The following SLC27A6 variants were observed in gnomAD, a reference collection of about 807,000 sequenced individuals.
SLC27A6 encodes the protein solute carrier family 27 member 6.
Under a neutral mutation model 63.9 loss-of-function variants are expected in SLC27A6, and 74 were observed. The observed-to-expected ratio is 1.16, with a 90% CI of 0.96 to 1.40. The LOEUF is 1.40. Among genes scored for constraint, SLC27A6 ranks in the 40% most tolerant of loss-of-function variants. SLC27A6 has a pLI of 0.00. For synonymous variants in SLC27A6, 287 were observed against 260.8 expected, an observed-to-expected ratio of 1.10 and a Z score of -0.97; for missense variants, 794 against 732.9, an observed-to-expected ratio of 1.08 and a Z score of -0.96.
intron 1 of SLC27A6, among the ~76,000 whole-genome samples, chr5:128,982,646 T>C (rs1750635197): frequency 6.6e-6 from 1 of 152,196 alleles, no homozygotes; most frequent in Admixed American, 6.5e-5. Flanking sequence ...TACAACAAAA[T>C]CTGGAACAAA....
At chr5:128,997,655 C>T (rs570479429) in intron 4 of SLC27A6, among the ~76,000 whole-genome samples, 2 of 152,306 alleles carry the variant, frequency 1.3e-5, no homozygotes, top group East Asian at 3.9e-4. Flanking sequence ...AAAATATACA[C>T]ATCTTTTTCT....
intron 4 of SLC27A6, among the ~76,000 whole-genome samples, chr5:129,014,775 G>A (rs1301607509): frequency 6.6e-6 from 1 of 152,102 alleles, no homozygotes; most frequent in Admixed American, 6.6e-5. Flanking sequence ...CATTCTTTTT[G>A]ATGCTTGCTT....
chr5:128,981,913 A>G (rs1298527221), intron 1 of SLC27A6, among the ~76,000 whole-genome samples: 3 of 151,194 alleles, frequency 2.0e-5, no homozygotes, highest in Non-Finnish European at 2.9e-5. Flanking sequence ...TCCCAGGCTC[A>G]AGCGATTCAC....
chr5:128,983,594 C>T (rs903209532), intron 1 of SLC27A6, among the ~76,000 whole-genome samples: 4 of 152,020 alleles, frequency 2.6e-5, no homozygotes, highest in Non-Finnish European at 4.4e-5. Flanking sequence ...CGGGCCTGGC[C>T]AATCTGTATC....
intron 5 of SLC27A6, 47 bp downstream of exon 5, chr5:129,016,126 C>T: frequency 7.3e-7 from 1 of 1,378,102 alleles, no homozygotes; most frequent in East Asian, 2.4e-5. Flanking sequence ...GGTGCGGTGG[C>T]TCATACCTGT....
At position 128,966,044 on chromosome 5, in the gene SLC27A6, T is replaced by G. The variant is rs1749873373; in HGVS notation, c.-94T>G. The G allele has an allele frequency of 2.1e-6, 3 of 1,437,282 alleles. No homozygotes were observed. Among genetic ancestry groups the G allele is most frequent in the Admixed American group, 2.4e-5 (1 of 41,180 alleles). 89.0% of individuals were successfully genotyped at this position (1,437,282 alleles called of 1,614,324 possible). On this transcript the variant is annotated 5_prime_UTR_variant, in exon 1 of 10. Coordinates refer to ENST00000262462, the MANE Select transcript of SLC27A6 (RefSeq NM_001017372.3). ...AACTTCAGGTGTAAGCCCTGAGTAG[T>G]GAGGATCTGCGGTCTCCGTGGAGAG...
intron 2 of SLC27A6, 104 bp from the exon 3 acceptor site, chr5:128,988,496 T>A (rs963151165): frequency 3.6e-6 from 3 of 844,096 alleles, no homozygotes; most frequent in Non-Finnish European, 5.5e-6. Context: ...GTTATCAGTA[T>A]CATCTTCTTT....
At chr5:128,974,368 A>G (rs1297360590) in intron 1 of SLC27A6, among the ~76,000 whole-genome samples, 6 of 152,228 alleles carry the variant, frequency 3.9e-5, no homozygotes, top group African/African-American at 9.6e-5. Flanking sequence ...CTCGGTAAGT[A>G]GGTCACTGGA....
rs192393715 is a variant in SLC27A6 at position 129,008,960 on chromosome 5, G to A, written c.970-6925G>A. Among the ~76,000 whole-genome samples, 12 of 148,902 alleles carry A rather than the reference G, an allele frequency of 8.1e-5. No homozygotes were observed. In the East Asian group the frequency reaches 1.2e-3, roughly 15 times the overall value. On this transcript the variant is annotated intron_variant, in intron 4 of 9. Transcript: ENST00000262462. ...TGGCTCGTTGCAACCTCCTCCTCCC[G>A]GGTTCAAGCAATTCTCCTGACTCAG...
At chr5:128,970,189 C>T (rs936219248) in intron 1 of SLC27A6, among the ~76,000 whole-genome samples, 34 of 147,852 alleles carry the variant, frequency 2.3e-4, no homozygotes, top group Non-Finnish European at 4.6e-4. Flanking sequence ...AGGATTTTTG[C>T]ATCAGTGTTC....
intron 1 of SLC27A6, among the ~76,000 whole-genome samples, chr5:128,977,063 ACC>A: frequency 6.6e-6 from 1 of 152,192 alleles, no homozygotes; most frequent in Non-Finnish European, 1.5e-5. Context: ...CCATATCACC[ACC>A]CTCAAAACCA....
intron 4 of SLC27A6, among the ~76,000 whole-genome samples, chr5:129,007,922 A>G (rs1433635355): frequency 2.6e-5 from 4 of 152,124 alleles, no homozygotes; most frequent in African/African-American, 9.7e-5. Context: ...ATGGAACATC[A>G]TATATTTGAA....
chr5:128,989,791 G>A (rs1750913896), intron 3 of SLC27A6, among the ~76,000 whole-genome samples: 1 of 152,040 alleles, frequency 6.6e-6, no homozygotes, highest in African/African-American at 2.4e-5. Context: ...AGGTGTGGTG[G>A]CAGGCACCTG....
At chr5:128,998,320 T>A (rs1751226928) in intron 4 of SLC27A6, among the ~76,000 whole-genome samples, 1 of 151,886 alleles carries the variant, frequency 6.6e-6, no homozygotes, top group African/African-American at 2.4e-5. Flanking sequence ...ATATTTTACA[T>A]GAATGTATTT....
At chr5:128,977,997 G>C (rs907864791) in intron 1 of SLC27A6, among the ~76,000 whole-genome samples, 2 of 152,074 alleles carry the variant, frequency 1.3e-5, no homozygotes, top group African/African-American at 2.4e-5. Flanking sequence ...GAAAGGTTGA[G>C]GTTTAATCTC....
At chr5:128,975,890 C>G (rs1006151919) in intron 1 of SLC27A6, among the ~76,000 whole-genome samples, 1 of 152,124 alleles carries the variant, frequency 6.6e-6, no homozygotes, top group Non-Finnish European at 1.5e-5. Context: ...GCCTCCATGG[C>G]CAGTAAAGAA....
At chr5:128,999,334 A>G (rs187511829) in intron 4 of SLC27A6, among the ~76,000 whole-genome samples, 4 of 152,280 alleles carry the variant, frequency 2.6e-5, no homozygotes, top group Non-Finnish European at 5.9e-5. Context: ...ACCAGGCTCA[A>G]GAATGCCAGT....
At chr5:129,010,366 A>G (rs1372497604) in intron 4 of SLC27A6, among the ~76,000 whole-genome samples, 1 of 152,212 alleles carries the variant, frequency 6.6e-6, no homozygotes, top group Non-Finnish European at 1.5e-5. Context: ...GGAATGCGTG[A>G]ATATGTGTGC....
At chr5:128,972,253 T>G (rs1477754271) in intron 1 of SLC27A6, among the ~76,000 whole-genome samples, 1 of 152,170 alleles carries the variant, frequency 6.6e-6, no homozygotes, top group Non-Finnish European at 1.5e-5. Flanking sequence ...GGGTTGCTCT[T>G]CTTGTGGAGT....
Sources: allele counts gnomAD v4.1 joint callset (sites outside exome capture counted in the v4.1 genomes callset), GRCh38; gene constraint gnomAD v4.1.1; transcripts MANE v1.5; gene names NCBI Gene and HGNC (gene_info 2026-07-23, HGNC 2026-07-21).